UBL7: variants seen among roughly 807,000 people sequenced by gnomAD.
The protein encoded by UBL7 is ubiquitin like 7.
A neutral mutation model predicts 41.7 loss-of-function variants in UBL7; 21 were observed. The ratio of observed to expected loss-of-function variants is 0.50; its 90% CI spans 0.36 to 0.73. UBL7 has a LOEUF of 0.73. UBL7 is among the 30% of genes least tolerant of loss of function. UBL7 has a pLI of 0.00. For synonymous variants in UBL7, 157 were observed against 186.9 expected, an observed-to-expected ratio of 0.84 and a Z score of 1.31; for missense variants, 403 against 478.4, an observed-to-expected ratio of 0.84 and a Z score of 1.47.
At chr15:74,449,145 T>C (rs751160750) in intron 9 of UBL7, 41 bp downstream of exon 9, 4 of 1,512,940 alleles carry the variant, frequency 2.6e-6, no homozygotes, top group Non-Finnish European at 3.5e-6. Flanking sequence ...AGCTTGTTCC[T>C]TGGGGGCCCA....
In UBL7 at chr15:74,460,887, A is replaced by G. The variant is rs928842879; in HGVS notation, c.-30+150T>C. The G allele has an allele frequency of 4.2e-6, 5 of 1,185,994 alleles. No individual in the cohort carries two copies. In the East Asian group the frequency reaches 3.0e-4, roughly 72 times the overall value. 73.5% of individuals were successfully genotyped at this position (1,185,994 alleles called of 1,614,324 possible). A position where few individuals can be genotyped will look rare whatever the true frequency, so the allele number is the denominator to read the frequency against. On this transcript the variant is annotated intron_variant, in intron 1 of 10. Coordinates refer to ENST00000395081, the MANE Select transcript of UBL7 (RefSeq NM_032907.5). ...ATGCCAGAAGGAGGTCGTTTTATATACCATGTCTCACTTAATCCTCACAAC... is the reference window on the plus strand; with the variant it reads ...ATGCCAGAAGGAGGTCGTTTTATATGCCATGTCTCACTTAATCCTCACAAC...
intron 3 of UBL7, among the ~76,000 whole-genome samples, chr15:74,455,457 C>A (rs907724034): frequency 1.3e-5 from 2 of 152,154 alleles, no homozygotes; most frequent in African/African-American, 4.8e-5. Context: ...ACCAGTATAG[C>A]AAGAGCAGTT....
chr15:74,449,886 G>C (rs1193085991), intron 7 of UBL7, 50 bp downstream of exon 7: 1 of 1,578,140 alleles, frequency 6.3e-7, no homozygotes, highest in Non-Finnish European at 8.6e-7. Flanking sequence ...CAAATTCCTG[G>C]GCCACTGCCG....
chr15:74,457,633 A>C (rs1328138499), intron 2 of UBL7, among the ~76,000 whole-genome samples: 1 of 150,082 alleles, frequency 6.7e-6, no homozygotes, highest in Non-Finnish European at 1.5e-5. Flanking sequence ...GTTATTCAGG[A>C]GGCTGAGGCA....
In UBL7 at chr15:74,449,287, C is replaced by G. The variant is rs1296359929; in HGVS notation, c.781G>C (p.Ala261Pro). 8 of 1,613,772 alleles carry G rather than the reference C, an allele frequency of 5.0e-6. No homozygotes were observed. The highest frequency in any genetic ancestry group is 6.8e-6 in the Non-Finnish European group (8 of 1,179,908). Residue 261 changes from alanine (A) to proline (P), a missense_variant, in exon 9 of 11, where the codon GCT becomes CCT. By Grantham distance (27) the Ala-to-Pro change is conservative (BLOSUM62 -1). Coordinates refer to ENST00000395081, the MANE Select transcript of UBL7 (RefSeq NM_032907.5). ...TGGGTGATGGGCCGGGGCCCAGCAG[C>G]TCCACTGTACCCCAGGGAGGCTGGG... ...SRPASLGYSGAAGPRPITQSE... is the reference protein window; with the variant it reads ...SRPASLGYSGPAGPRPITQSE...
intron 3 of UBL7, among the ~76,000 whole-genome samples, chr15:74,454,430 C>T (rs2415243): frequency 0.2 from 31,014 of 151,760 alleles, 4,704 homozygotes; most frequent in East Asian, 0.42. Flanking sequence ...CAGAGTTTCG[C>T]TCTTGTTGCC....
intron 6 of UBL7, 35 bp downstream of exon 6, chr15:74,450,767 G>A (rs2061237003): frequency 5.0e-6 from 8 of 1,610,178 alleles, no homozygotes; most frequent in South Asian, 1.1e-5. Flanking sequence ...CACGAGGAGA[G>A]AGAAGGTACC....
chr15:74,454,473 A>G, intron 3 of UBL7, among the ~76,000 whole-genome samples: 1 of 151,850 alleles, frequency 6.6e-6, no homozygotes. Context: ...ATCTCGGCTC[A>G]TTGCAACCTC....
chr15:74,456,493 A>C (rs2061295566), intron 3 of UBL7, 59 bp downstream of exon 3: 31 of 1,603,456 alleles, frequency 1.9e-5, no homozygotes, highest in Non-Finnish European at 2.6e-5. Context: ...GAACACACAG[A>C]TCCTTCCCTT....
At chr15:74,452,223 C>T (rs1319450561) in intron 4 of UBL7, 73 bp downstream of exon 4, 3 of 1,488,692 alleles carry the variant, frequency 2.0e-6, no homozygotes, top group African/African-American at 1.4e-5. Context: ...CCAGCTCCCA[C>T]TCCACACCAC....
intron 6 of UBL7, 71 bp downstream of exon 6, chr15:74,450,731 G>A: frequency 6.5e-7 from 1 of 1,538,450 alleles, no homozygotes. Flanking sequence ...CAGACTGCAG[G>A]GTGACAATTA....
At chr15:74,449,899 T>C (rs1322106644) in intron 7 of UBL7, 37 bp downstream of exon 7, 8 of 1,592,674 alleles carry the variant, frequency 5.0e-6, no homozygotes, top group Middle Eastern at 3.3e-4. Context: ...CACTGCCGGC[T>C]CCTGAGGGGC....
rs749386741 is a variant in UBL7 at position 74,449,302 on chromosome 15, G to C, written c.766C>G (p.Leu256Val). Residue 256 changes from leucine (L) to valine (V), a missense_variant, in exon 9 of 11, where the codon CTG becomes GTG. By Grantham distance (32) the Leu-to-Val change is conservative. Transcript: ENST00000395081. Reference sequence around the variant, plus strand: ...GGCCCAGCAGCTCCACTGTACCCCAGGGAGGCTGGGCGGGAGCTGGGAGTA... The same window carrying C: ...GGCCCAGCAGCTCCACTGTACCCCACGGAGGCTGGGCGGGAGCTGGGAGTA... Reference protein sequence around the residue: ...SSTPSSRPASLGYSGAAGPRP... With the variant: ...SSTPSSRPASVGYSGAAGPRP... The C allele has an allele frequency of 5.6e-6, 9 of 1,613,910 alleles. No homozygotes were observed. The highest frequency in any genetic ancestry group is 7.6e-6 in the Non-Finnish European group (9 of 1,180,008).
chr15:74,460,746 T>C, intron 1 of UBL7: 1 of 1,286,148 alleles, frequency 7.8e-7, no homozygotes, highest in South Asian at 1.2e-5. Context: ...TAAGTTCTTG[T>C]TATAGTCATC....
chr15:74,454,863 G>A (rs1365175530), intron 3 of UBL7, among the ~76,000 whole-genome samples: 2 of 152,174 alleles, frequency 1.3e-5, no homozygotes, highest in Non-Finnish European at 2.9e-5. Context: ...AGAGCAAGGT[G>A]GAAGCTGTAA....
intron 2 of UBL7, among the ~76,000 whole-genome samples, chr15:74,457,736 C>CAAA (rs1187527943): frequency 4.9e-3 from 185 of 37,582 alleles, no homozygotes; most frequent in African/African-American, 0.017. Flanking sequence ...GACTCCGTCT[C>CAAA]AAAAAAAAAA....
chr15:74,452,398 G>T lies in UBL7; in HGVS notation c.305-20C>A. On this transcript the variant is annotated intron_variant, in intron 3 of 10. Transcript: ENST00000395081. ...CAGGTTCTGGGGGACAAGACATTCA[G>T]AGTTACCCTATAGCGCAGGTCCTGT... The T allele has an allele frequency of 6.4e-7, 1 of 1,553,298 alleles. No homozygotes were observed. Among genetic ancestry groups the T allele is most frequent in the South Asian group, 1.2e-5 (1 of 84,178 alleles).
intron 3 of UBL7, among the ~76,000 whole-genome samples, chr15:74,452,584 C>T (rs933930089): frequency 6.6e-6 from 1 of 152,218 alleles, no homozygotes; most frequent in Non-Finnish European, 1.5e-5. Context: ...TTTACATTCA[C>T]TTGTAAGCAT....
Position 74,460,949 on chromosome 15 carries a change from T to C in UBL7, c.-30+88A>G. 5.2e-6 allele frequency: 6 copies of C among 1,148,346 alleles called. No individual in the cohort carries two copies. The South Asian group carries it at 1.1e-4, about 20-fold the overall frequency. 71.1% of individuals were successfully genotyped at this position (1,148,346 alleles called of 1,614,324 possible). On this transcript the variant is annotated intron_variant, in intron 1 of 10. Transcript: ENST00000395081. ...GCAGGCATTAGCCACATTTTAAAGA[T>C]GAGGGAAGCAAGACTCAGTAAAATC...
Sources: allele counts gnomAD v4.1 joint callset (sites outside exome capture counted in the v4.1 genomes callset), GRCh38; gene constraint gnomAD v4.1.1; transcripts MANE v1.5; gene names NCBI Gene and HGNC (gene_info 2026-07-23, HGNC 2026-07-21).